RCAN1: variants seen among roughly 807,000 people sequenced by gnomAD.
RCAN1 encodes the protein regulator of calcineurin 1.
A neutral mutation model predicts 22.9 loss-of-function variants in RCAN1; 11 were observed. That is an observed-to-expected ratio of 0.48 (90% CI 0.30 to 0.79). The LOEUF (loss-of-function observed/expected upper bound fraction) is 0.79, where lower values mean the gene tolerates loss of function less well. Among genes scored for constraint, RCAN1 ranks in the 30% least tolerant of loss-of-function variants. The pLI is 0.06. For missense variants in RCAN1, 291 were observed against 337.8 expected, an observed-to-expected ratio of 0.86 and a Z score of 1.09; for synonymous variants, 136 against 142.3, an observed-to-expected ratio of 0.96 and a Z score of 0.32.
intron 1 of RCAN1, among the ~76,000 whole-genome samples, chr21:34,567,353 G>A (rs984345821): frequency 1.2e-4 from 18 of 152,120 alleles, no homozygotes; most frequent in African/African-American, 2.9e-4. Context: ...AAAATTAGCC[G>A]AGCGTGGGGG....
chr21:34,550,836 G>A (rs1224000832), intron 1 of RCAN1, among the ~76,000 whole-genome samples: 1 of 152,202 alleles, frequency 6.6e-6, no homozygotes, highest in Non-Finnish European at 1.5e-5. Flanking sequence ...AGACAGGAAT[G>A]TAATGAATGT....
At chr21:34,560,684 A>T (rs1011912886) in intron 1 of RCAN1, among the ~76,000 whole-genome samples, 4 of 152,262 alleles carry the variant, frequency 2.6e-5, no homozygotes, top group African/African-American at 9.6e-5. Flanking sequence ...AGTGATGACA[A>T]AAAGAAAATC....
At chr21:34,555,372 A>G (rs972580328) in intron 1 of RCAN1, among the ~76,000 whole-genome samples, 5 of 152,176 alleles carry the variant, frequency 3.3e-5, no homozygotes, top group African/African-American at 1.2e-4. Flanking sequence ...TATCTCTTAG[A>G]GATACATACA....
chr21:34,575,838 T>C (rs997016550), intron 1 of RCAN1, among the ~76,000 whole-genome samples: 4 of 152,184 alleles, frequency 2.6e-5, no homozygotes, highest in African/African-American at 7.2e-5. Context: ...AAGGGACCAC[T>C]AGTGACCCCA....
intron 1 of RCAN1, among the ~76,000 whole-genome samples, chr21:34,554,097 C>T (rs191152955): frequency 2.2e-4 from 33 of 152,214 alleles, no homozygotes; most frequent in East Asian, 1.7e-3. Context: ...ATGCACTATT[C>T]GAATCTTTAG....
At chr21:34,610,424 C>T (rs1294374799) in intron 1 of RCAN1, among the ~76,000 whole-genome samples, 3 of 152,022 alleles carry the variant, frequency 2.0e-5, no homozygotes, top group Admixed American at 6.6e-5. Context: ...CCAGTGACCC[C>T]GCCTGTAGGC....
At chr21:34,571,931 C>T (rs777650053) in intron 1 of RCAN1, among the ~76,000 whole-genome samples, 13 of 152,162 alleles carry the variant, frequency 8.5e-5, no homozygotes, top group Non-Finnish European at 1.6e-4. Context: ...ACTTGCATGC[C>T]TATCAAAGAC....
chr21:34,559,335 A>C (rs1025084068), intron 1 of RCAN1: 1 of 152,226 alleles, frequency 6.6e-6, no homozygotes, highest in Non-Finnish European at 1.5e-5. Context: ...TTATATGTTC[A>C]AGAATGAGTT....
intron 1 of RCAN1, among the ~76,000 whole-genome samples, chr21:34,566,472 A>AT (rs1376036647): frequency 6.6e-6 from 1 of 152,114 alleles, no homozygotes; most frequent in Non-Finnish European, 1.5e-5. Context: ...CAAATTTAGG[A>AT]TTCTCAGCTC....
chr21:34,579,289 G>C (rs962068388), intron 1 of RCAN1, among the ~76,000 whole-genome samples: 1 of 152,110 alleles, frequency 6.6e-6, no homozygotes, highest in Non-Finnish European at 1.5e-5. Flanking sequence ...CCAGCTACTT[G>C]GGAGGCTGGA....
At chr21:34,580,243 C>A (rs1987556651) in intron 1 of RCAN1, among the ~76,000 whole-genome samples, 1 of 152,208 alleles carries the variant, frequency 6.6e-6, no homozygotes, top group Non-Finnish European at 1.5e-5. Context: ...GAGACAGAGG[C>A]CGGCCTGCAC....
At chr21:34,569,597 A>G (rs756280133) in intron 1 of RCAN1, among the ~76,000 whole-genome samples, 6 of 152,122 alleles carry the variant, frequency 3.9e-5, no homozygotes, top group Non-Finnish European at 5.9e-5. Flanking sequence ...AGGTGGAGAA[A>G]TCACTGTGGC....
Position 34,518,812 on chromosome 21 carries a change from T to G in RCAN1, c.587-556A>C, listed in dbSNP as rs560783062. ...CTGGGCATCTTTTCCTTAGAACAAC[T>G]TCTAATCCCCGGGACCAGGAGTGTC... On this transcript the variant is annotated intron_variant, in intron 3 of 3. Transcript: ENST00000313806. The surrounding 1 kb of genome is among the most constrained non-coding windows in gnomAD (Gnocchi z 4.2). Among the ~76,000 whole-genome samples the G allele has an allele frequency of 3.9e-5, 6 of 152,306 alleles. No homozygotes were observed. In the South Asian group the frequency reaches 1.2e-3, roughly 32 times the overall value.
At chr21:34,526,477 A>G (rs1354179000) in intron 1 of RCAN1, among the ~76,000 whole-genome samples, 1 of 152,204 alleles carries the variant, frequency 6.6e-6, no homozygotes, top group East Asian at 1.9e-4. Context: ...AGATCTTTAG[A>G]AATTCCTTCC....
intron 1 of RCAN1, among the ~76,000 whole-genome samples, chr21:34,558,276 C>T (rs1004713512): frequency 1.3e-5 from 2 of 152,156 alleles, no homozygotes; most frequent in Admixed American, 1.3e-4. Flanking sequence ...AGGAGCCCTG[C>T]ACCAACACTC....
At chr21:34,602,402 A>G (rs1339590093) in intron 1 of RCAN1, among the ~76,000 whole-genome samples, 1 of 152,244 alleles carries the variant, frequency 6.6e-6, no homozygotes, top group Non-Finnish European at 1.5e-5. Flanking sequence ...TTTGAAAGAT[A>G]CATCTTGAAT....
intron 1 of RCAN1, among the ~76,000 whole-genome samples, chr21:34,551,122 G>T (rs1001577777): frequency 6.6e-6 from 1 of 152,182 alleles, no homozygotes; most frequent in Non-Finnish European, 1.5e-5. Flanking sequence ...TTAAAACTGG[G>T]AAGACCCAAG....
rs978953448 is a variant in RCAN1 at position 34,590,800 on chromosome 21, C to T, written c.252+23960G>A. Among the ~76,000 whole-genome samples, 7 of 152,162 alleles carry T rather than the reference C, an allele frequency of 4.6e-5. No homozygotes were observed. In the East Asian group the frequency reaches 7.7e-4, roughly 17 times the overall value. ...AGACAGGCTTCCTATATCTGAGAAG[C>T]GTGGAATCTCATGGATACACACAGC... On this transcript the variant is annotated intron_variant, in intron 1 of 3. Transcript: ENST00000313806.
intron 1 of RCAN1, among the ~76,000 whole-genome samples, chr21:34,563,802 G>GAGAGAC (rs1429692490): frequency 1.4e-5 from 2 of 138,738 alleles, no homozygotes; most frequent in Non-Finnish European, 3.1e-5. Flanking sequence ...TATAGAGAGA[G>GAGAGAC]AGAGAGAGAG....
Sources: gnomAD v4.1 joint callset for allele counts (sites outside exome capture counted in the v4.1 genomes callset) on GRCh38, gnomAD v4.1.1 for gene constraint, Gnocchi (gnomAD v3.1) non-coding constraint, MANE v1.5 for transcripts, NCBI Gene and HGNC (gene_info 2026-07-23, HGNC 2026-07-21) for gene names.